IL34: variants seen among roughly 807,000 people sequenced by gnomAD.
IL34 encodes interleukin-34.
Under a neutral mutation model 25.3 loss-of-function variants are expected in IL34, and 17 were observed. That is an observed-to-expected ratio of 0.67 (90% CI 0.46 to 1.01). The LOEUF is 1.01. Among genes scored for constraint, IL34 ranks in the 50% least tolerant of loss-of-function variants. The pLI is 0.00. For synonymous variants in IL34, 174 were observed against 140.9 expected (o/e 1.23, Z -1.66); for missense variants, 368 against 312.9 (o/e 1.18, Z -1.33).
At chr16:70,654,255 C>T (rs1297169691) in intron 1 of IL34, 2 of 286,722 alleles carry the variant, frequency 7.0e-6, no homozygotes, top group East Asian at 6.1e-5. Flanking sequence ...GCGACAGAAG[C>T]GGGGAGACCA....
intron 1 of IL34, among the ~76,000 whole-genome samples, chr16:70,596,996 C>A (rs942594205): frequency 2.6e-5 from 4 of 152,098 alleles, no homozygotes; most frequent in African/African-American, 9.7e-5. Flanking sequence ...TAGGCACGCT[C>A]AGTAGAGGCC....
chr16:70,633,349 G>T (rs1014789926), intron 1 of IL34, among the ~76,000 whole-genome samples: 1 of 151,546 alleles, frequency 6.6e-6, no homozygotes, highest in African/African-American at 2.4e-5. Flanking sequence ...GACCTCCCAG[G>T]CTAAAGCGAT....
At chr16:70,591,765 C>T (rs2151808314) in intron 1 of IL34, among the ~76,000 whole-genome samples, 1 of 152,188 alleles carries the variant, frequency 6.6e-6, no homozygotes, top group South Asian at 2.1e-4. Context: ...GCTGATATTC[C>T]CATACTGCAG....
chr16:70,629,081 G>A (rs1030926593), intron 1 of IL34, among the ~76,000 whole-genome samples: 1 of 152,110 alleles, frequency 6.6e-6, no homozygotes, highest in African/African-American at 2.4e-5. Flanking sequence ...CTGGCCCCTG[G>A]CTATTGTTTA....
At position 70,660,318 on chromosome 16, in the gene IL34, C is replaced by G; in HGVS notation, c.*131C>G. The G allele has an allele frequency of 2.5e-6, 2 of 794,862 alleles. No individual in the cohort carries two copies. The highest frequency in any genetic ancestry group is 3.8e-6 in the Non-Finnish European group (2 of 530,564). 49.2% of individuals were successfully genotyped at this position (794,862 alleles called of 1,614,324 possible). On this transcript the variant is annotated 3_prime_UTR_variant, in exon 6 of 6. Transcript: ENST00000288098. ...AGGACCCCTGGGAAGGGTGTTTTTC[C>G]TTTGAGGGGGATTCTGTGCCACAGC...
rs1257308082 is a variant in IL34, at chr16:70,646,715, G to C, written c.-233G>C. 1 of 484,252 alleles carries C rather than the reference G, an allele frequency of 2.1e-6. No homozygotes were observed. Among genetic ancestry groups the C allele is most frequent in the East Asian group, 3.5e-5 (1 of 28,196 alleles). The allele number at this position is 484,252 out of a possible 1,614,324, so 30.0% of individuals were successfully genotyped here. A position where few individuals can be genotyped will look rare whatever the true frequency, so the allele number is the denominator to read the frequency against. ...CAGACCTGCTTCTGGGCTGCCATGG[G>C]ACTTGCGGCCACCGCCCCCCGGCTG... On this transcript the variant is annotated 5_prime_UTR_variant, in exon 1 of 6. Transcript: ENST00000288098.
intron 1 of IL34, among the ~76,000 whole-genome samples, chr16:70,617,601 AGGCCTGAATTCT>A: frequency 1.3e-5 from 2 of 152,228 alleles, no homozygotes; most frequent in Non-Finnish European, 2.9e-5. Context: ...TTCCGAAGAC[AGGCCTGAATTCT>A]GAGAAGGGAA....
intron 1 of IL34, among the ~76,000 whole-genome samples, chr16:70,596,033 G>T (rs1288292677): frequency 6.6e-6 from 1 of 150,986 alleles, no homozygotes; most frequent in African/African-American, 2.4e-5. Flanking sequence ...AAAGAAAGTT[G>T]TATAGACTGG....
chr16:70,583,216 G>T (rs1300099558), intron 1 of IL34, among the ~76,000 whole-genome samples: 2 of 151,946 alleles, frequency 1.3e-5, no homozygotes, highest in Non-Finnish European at 2.9e-5. Context: ...GGGTTCAAGT[G>T]ATTCTCCTGC....
chr16:70,659,575 G>C, intron 4 of IL34, 43 bp from the exon 5 acceptor site: 1 of 1,569,640 alleles, frequency 6.4e-7, no homozygotes. Context: ...CCTGGGGTGC[G>C]GCCCCATCTC....
chr16:70,587,821 T>C (rs995574650), intron 1 of IL34, among the ~76,000 whole-genome samples: 1 of 150,966 alleles, frequency 6.6e-6, no homozygotes, highest in Non-Finnish European at 1.5e-5. Context: ...AGCAGATCAC[T>C]TGAGGCCAAG....
At chr16:70,586,895 T>C (rs1300443184) in intron 1 of IL34, among the ~76,000 whole-genome samples, 1 of 152,216 alleles carries the variant, frequency 6.6e-6, no homozygotes, top group Non-Finnish European at 1.5e-5. Context: ...GATTCACCTG[T>C]GGCGGCCACC....
chr16:70,580,309 A>T (rs375234312), intron 1 of IL34, among the ~76,000 whole-genome samples: 1 of 152,198 alleles, frequency 6.6e-6, no homozygotes, highest in Non-Finnish European at 1.5e-5. Flanking sequence ...CCACATAACC[A>T]TAAAGCAAGT....
intron 2 of IL34, among the ~76,000 whole-genome samples, chr16:70,656,346 C>T (rs541405608): frequency 1.3e-5 from 2 of 152,100 alleles, no homozygotes; most frequent in Non-Finnish European, 2.9e-5. Flanking sequence ...AGAAGAAACC[C>T]CATCTCTACA....
intron 1 of IL34, among the ~76,000 whole-genome samples, chr16:70,653,555 A>G (rs764845207): frequency 3.3e-5 from 5 of 152,002 alleles, no homozygotes; most frequent in Non-Finnish European, 7.4e-5. Flanking sequence ...AAAAATTAGC[A>G]GGCGTAGTAG....
At position 70,622,452 on chromosome 16, in the gene IL34, G is replaced by A. The variant is rs537509876; in HGVS notation, c.-400-24096G>A. ...TGAGGATAGATTTCCACGATGGAAA[G>A]GAAATGAGAGGTTCTGAGAGGCGGG... is the stretch of plus-strand genomic sequence containing the variant. On this transcript the variant is annotated intron_variant, in intron 1 of 6. Coordinates refer to the IL34 transcript ENST00000429149. Among the ~76,000 whole-genome samples, 1,076 of 132,340 alleles carry A rather than the reference G, an allele frequency of 8.1e-3. 14 individuals carry two copies. The highest frequency in any genetic ancestry group is 0.014 in the Non-Finnish European group (804 of 57,700). The allele number at this position is 132,340 out of a possible 152,430, so 86.8% of individuals were successfully genotyped here. A position where few individuals can be genotyped will look rare whatever the true frequency, so the allele number is the denominator to read the frequency against.
intron 1 of IL34, among the ~76,000 whole-genome samples, chr16:70,605,969 GTTTTTTTTT>G (rs77101515): frequency 8.1e-6 from 1 of 123,224 alleles, no homozygotes; most frequent in Non-Finnish European, 1.7e-5. Flanking sequence ...ACCGCACCTG[GTTTTTTTTT>G]TTTTTTTTTT....
chr16:70,591,609 C>T (rs1277227875), intron 1 of IL34, among the ~76,000 whole-genome samples: 1 of 151,940 alleles, frequency 6.6e-6, no homozygotes, highest in Non-Finnish European at 1.5e-5. Context: ...TCACCGTCCT[C>T]CCACCCTGCC....
intron 4 of IL34, 100 bp downstream of exon 4, chr16:70,657,221 T>G: frequency 5.8e-3 from 5,071 of 873,512 alleles, no homozygotes; most frequent in Non-Finnish European, 7.9e-3. Flanking sequence ...AAAGGGTGAA[T>G]ACACGGAAAG....
Sources: allele counts gnomAD v4.1 joint callset (sites outside exome capture counted in the v4.1 genomes callset), GRCh38; gene constraint gnomAD v4.1.1; transcripts MANE v1.5; gene names NCBI Gene and HGNC (gene_info 2026-07-23, HGNC 2026-07-21).